The following YWHAE variants were observed in gnomAD, a reference collection of about 807,000 sequenced individuals.
The protein encoded by YWHAE is 14-3-3 protein epsilon.
YWHAE carries 4 observed loss-of-function variants against 30.1 expected under a neutral mutation model. That is an observed-to-expected ratio of 0.13 (90% confidence interval 0.07 to 0.30). The LOEUF (loss-of-function observed/expected upper bound fraction) is 0.30. Ranked by LOEUF, YWHAE falls within the 10% of genes least tolerant of loss-of-function variation. YWHAE has a pLI of 1.00. For synonymous variants in YWHAE, 118 were observed against 111.8 expected (o/e 1.06, Z -0.35); for missense variants, 121 against 315.9 (o/e 0.38, Z 4.68).
At chr17:1,348,867 C>CA (rs746762075) in intron 5 of YWHAE, among the ~76,000 whole-genome samples, 54 of 148,362 alleles carry the variant, frequency 3.6e-4, no homozygotes, top group Non-Finnish European at 5.7e-4. Flanking sequence ...ACTAAAAATA[C>CA]AAAAAAAAAT....
chr17:1,381,080 C>T (rs1036287157), intron 1 of YWHAE, among the ~76,000 whole-genome samples: 2 of 152,166 alleles, frequency 1.3e-5, no homozygotes, highest in African/African-American at 2.4e-5. Flanking sequence ...TAAAGAAATA[C>T]ATATTGATTA....
intron 1 of YWHAE, among the ~76,000 whole-genome samples, chr17:1,383,314 C>G (rs1163680077): frequency 1.3e-5 from 2 of 151,836 alleles, no homozygotes; most frequent in Non-Finnish European, 2.9e-5. Context: ...CGCGCGATTG[C>G]ACTCCAGCCT....
At chr17:1,352,036 G>C (rs1335803809) in intron 5 of YWHAE, 1 of 151,800 alleles carries the variant, frequency 6.6e-6, no homozygotes, top group Non-Finnish European at 1.5e-5. Context: ...TCCCACCTTG[G>C]CCTCCCAAAG....
intron 1 of YWHAE, among the ~76,000 whole-genome samples, chr17:1,392,835 A>T (rs371019851): frequency 9.3e-5 from 14 of 150,120 alleles, no homozygotes; most frequent in African/African-American, 3.2e-4. Context: ...GAATGACAAG[A>T]GGGAAAATCC....
Position 1,344,970 on chromosome 17 carries a change from C to T in YWHAE, c.*477G>A, listed in dbSNP as rs961556754. 1 of 235,218 alleles carries T rather than the reference C, an allele frequency of 4.3e-6. No individual in the cohort carries two copies. Among genetic ancestry groups the T allele is most frequent in the Admixed American group, 5.6e-5 (1 of 17,848 alleles). The allele number at this position is 235,218 out of a possible 1,614,324, so 14.6% of individuals were successfully genotyped here. ...CTCCCCAAACCACCTTTAACCATCT[C>T]AAGCTAACACCCAATTACTTGCAAA... On this transcript the variant is annotated 3_prime_UTR_variant, in exon 6 of 6. Coordinates refer to ENST00000264335, the MANE Select transcript of YWHAE (RefSeq NM_006761.5).
chr17:1,388,757 C>T (rs2073345554), intron 1 of YWHAE, among the ~76,000 whole-genome samples: 1 of 151,974 alleles, frequency 6.6e-6, no homozygotes, highest in Non-Finnish European at 1.5e-5. Flanking sequence ...TTTAATGTTT[C>T]CTAAGTAGTA....
At chr17:1,397,926 G>A (rs1178598947) in intron 1 of YWHAE, among the ~76,000 whole-genome samples, 2 of 152,086 alleles carry the variant, frequency 1.3e-5, no homozygotes, top group African/African-American at 4.8e-5. Context: ...CTGTAATAAT[G>A]TGGCTGTATC....
intron 1 of YWHAE, 44 bp from the exon 2 acceptor site, chr17:1,365,102 T>C: frequency 6.3e-7 from 1 of 1,583,326 alleles, no homozygotes; most frequent in Non-Finnish European, 8.6e-7. Flanking sequence ...ATTTGAAGTT[T>C]TCTTAACATA....
At chr17:1,388,645 CAAAT>C (rs2073344337) in intron 1 of YWHAE, among the ~76,000 whole-genome samples, 1 of 148,340 alleles carries the variant, frequency 6.7e-6, no homozygotes, top group African/African-American at 2.5e-5. Flanking sequence ...CTCCTGGCCT[CAAAT>C]GACCTCCCAC....
intron 4 of YWHAE, among the ~76,000 whole-genome samples, chr17:1,359,586 C>T (rs1307884713): frequency 2.0e-5 from 3 of 151,784 alleles, no homozygotes; most frequent in Non-Finnish European, 2.9e-5. Flanking sequence ...GAAATAAAGA[C>T]AGCCACAAAA....
At position 1,355,454 on chromosome 17, in the gene YWHAE, A is replaced by G. The variant is rs539308458; in HGVS notation, c.579-1107T>C. ...ATTACAAGGTTGAGATATTTAACAA[A>G]GTATTAATGCAAAAAGAAAATCTTG... On this transcript the variant is annotated intron_variant, in intron 4 of 5. Transcript: ENST00000264335. 1.6e-4 allele frequency among the ~76,000 whole-genome samples: 25 copies of G among 152,164 alleles called. No individual in the cohort carries two copies. In the South Asian group the frequency reaches 5.0e-3, roughly 30 times the overall value.
intron 1 of YWHAE, among the ~76,000 whole-genome samples, chr17:1,382,657 G>A (rs1410739404): frequency 2.0e-5 from 3 of 152,080 alleles, no homozygotes; most frequent in Non-Finnish European, 4.4e-5. Flanking sequence ...ACCACGCCTG[G>A]CCAGTAGTTT....
At chr17:1,358,086 G>C (rs912243354) in intron 4 of YWHAE, among the ~76,000 whole-genome samples, 6 of 151,594 alleles carry the variant, frequency 4.0e-5, no homozygotes, top group Admixed American at 3.9e-4. Flanking sequence ...AAAAAAACAT[G>C]AATTCAAAAA....
intron 5 of YWHAE, among the ~76,000 whole-genome samples, chr17:1,346,789 A>G (rs751689282): frequency 1.8e-4 from 28 of 151,934 alleles, no homozygotes; most frequent in Admixed American, 4.6e-4. Flanking sequence ...GATCAAGACC[A>G]TCCTGGCTAA....
chr17:1,349,133 G>C (rs2072575351), intron 5 of YWHAE, among the ~76,000 whole-genome samples: 1 of 151,922 alleles, frequency 6.6e-6, no homozygotes, highest in Non-Finnish European at 1.5e-5. Context: ...ACGAGGTTAG[G>C]AGATTGAGAC....
At chr17:1,398,841 C>G (rs956708600) in intron 1 of YWHAE, 1 of 152,054 alleles carries the variant, frequency 6.6e-6, no homozygotes, top group Non-Finnish European at 1.5e-5. Context: ...CCATTAGGGG[C>G]AAAAGAACAA....
intron 1 of YWHAE, among the ~76,000 whole-genome samples, chr17:1,388,101 GTTTTTTTTTT>G (rs1291752445): frequency 1.6e-5 from 1 of 62,358 alleles, no homozygotes; most frequent in South Asian, 5.1e-4. Context: ...GGTAATTTTT[GTTTTTTTTTT>G]TGGTTGGTTT....
intron 5 of YWHAE, among the ~76,000 whole-genome samples, chr17:1,346,341 C>CT (rs1468006175): frequency 6.6e-6 from 1 of 152,056 alleles, no homozygotes; most frequent in Non-Finnish European, 1.5e-5. Context: ...TTCACTTGTA[C>CT]TTTTTTAAAA....
intron 2 of YWHAE, among the ~76,000 whole-genome samples, 157 bp from the exon 3 acceptor site, chr17:1,362,165 G>A (rs1486181307): frequency 6.6e-6 from 1 of 152,038 alleles, no homozygotes; most frequent in African/African-American, 2.4e-5. Context: ...CAAAAGCAGA[G>A]AAAAGCTGCC....
Sources: allele counts gnomAD v4.1 joint callset (sites outside exome capture counted in the v4.1 genomes callset), GRCh38; gene constraint gnomAD v4.1.1; transcripts MANE v1.5; gene names NCBI Gene and HGNC (gene_info 2026-07-23, HGNC 2026-07-21).